GPHN: variants seen among roughly 807,000 people sequenced by gnomAD.
GPHN encodes gephyrin.
In GPHN, 17 loss-of-function variants were observed where a neutral mutation model predicts 95.5. The observed-to-expected ratio is 0.18, with a 90% CI of 0.12 to 0.27. The LOEUF (loss-of-function observed/expected upper bound fraction) is 0.27, where lower values mean the gene tolerates loss of function less well. GPHN is among the 10% of genes least tolerant of loss of function. The pLI is 1.00. For missense variants in GPHN, 660 were observed against 978.1 expected (o/e 0.67, Z 4.34); for synonymous variants, 320 against 322.5 (o/e 0.99, Z 0.08).
At chr14:67,559,770 A>AGACAGTAGGGGG in the GPHN span, 1 of 908,042 alleles carries the variant, frequency 1.1e-6, no homozygotes, top group Non-Finnish European at 1.8e-6. Context: ...CCTGCCCCCT[A>AGACAGTAGGGGG]CTGTCTAGGG....
chr14:66,527,499 C>T (rs1043689990), intron 1 of GPHN, among the ~76,000 whole-genome samples: 1 of 150,430 alleles, frequency 6.6e-6, no homozygotes, highest in Non-Finnish European at 1.5e-5. Context: ...TATTTCGTGT[C>T]TTCTGCTAGC....
chr14:67,114,416 C>T lies in GPHN; in HGVS notation c.1626+1245C>T, dbSNP rs1264975818. 5.9e-5 allele frequency among the ~76,000 whole-genome samples: 9 copies of T among 152,232 alleles called. No homozygotes were observed. The East Asian group carries it at 1.5e-3, about 26-fold the overall frequency. Reference sequence around the variant, plus strand: ...AACAGTAGCACACTCATGGACCAGGCATGGTGGCTTATTCCTGTAATCCCA... The same window carrying T: ...AACAGTAGCACACTCATGGACCAGGTATGGTGGCTTATTCCTGTAATCCCA... On this transcript the variant is annotated intron_variant, in intron 16 of 22. Transcript: ENST00000478722.
chr14:67,478,435 T>C, the GPHN span, among the ~76,000 whole-genome samples: 2 of 152,252 alleles, frequency 1.3e-5, no homozygotes, highest in Non-Finnish European at 2.9e-5. Context: ...CCTCATCATG[T>C]CTCACCTGGA....
chr14:67,119,932 C>G (rs1026479751), intron 16 of GPHN, among the ~76,000 whole-genome samples: 1 of 151,998 alleles, frequency 6.6e-6, no homozygotes, highest in East Asian at 1.9e-4. Context: ...GAGTTCAAGA[C>G]CAGCCTGGCC....
chr14:66,992,099 A>T (rs555143639), intron 9 of GPHN, among the ~76,000 whole-genome samples: 20 of 152,140 alleles, frequency 1.3e-4, no homozygotes, highest in South Asian at 4.1e-4. Context: ...GAAAATACTC[A>T]TATGCCACAA....
At chr14:66,778,969 C>T (rs1169550447) in intron 3 of GPHN, among the ~76,000 whole-genome samples, 1 of 151,774 alleles carries the variant, frequency 6.6e-6, no homozygotes, top group Non-Finnish European at 1.5e-5. Flanking sequence ...GTCTTGAACC[C>T]CTGACCTCAG....
the GPHN span, among the ~76,000 whole-genome samples, chr14:67,654,464 C>T: frequency 6.6e-6 from 1 of 152,164 alleles, no homozygotes; most frequent in Non-Finnish European, 1.5e-5. Context: ...ACCAATCTAC[C>T]TGGTATGTTC....
chr14:67,650,027 C>T, the GPHN span: 1 of 152,100 alleles, frequency 6.6e-6, no homozygotes, highest in South Asian at 2.1e-4. Context: ...AGTTCTCAAA[C>T]CTTAACAGAA....
At chr14:67,545,518 G>A in the GPHN span, among the ~76,000 whole-genome samples, 672 of 152,008 alleles carry the variant, frequency 4.4e-3, 18 homozygotes, top group East Asian at 0.062. Flanking sequence ...ATACAGATAG[G>A]GACAAGAAAA....
chr14:66,660,346 A>T (rs2065567958), intron 1 of GPHN, among the ~76,000 whole-genome samples: 1 of 152,190 alleles, frequency 6.6e-6, no homozygotes, highest in East Asian at 1.9e-4. Context: ...CAAACATAAA[A>T]GCCCAAGATG....
intron 9 of GPHN, among the ~76,000 whole-genome samples, chr14:66,977,078 A>G (rs536552117): frequency 6.6e-6 from 1 of 152,290 alleles, no homozygotes; most frequent in South Asian, 2.1e-4. Flanking sequence ...TAACCTTTCA[A>G]GCAATAAATT....
chr14:67,723,484 G>A, the GPHN span, among the ~76,000 whole-genome samples: 7 of 152,272 alleles, frequency 4.6e-5, no homozygotes, highest in Middle Eastern at 3.4e-3. Context: ...ACCATCCCAC[G>A]TTGGCCTCCC....
the GPHN span, among the ~76,000 whole-genome samples, chr14:67,359,472 G>C: frequency 6.6e-6 from 1 of 152,184 alleles, no homozygotes; most frequent in African/African-American, 2.4e-5. Context: ...CGTCCAGCCT[G>C]ATTCACTCAG....
At chr14:67,230,033 C>T in the GPHN span, among the ~76,000 whole-genome samples, 4 of 152,292 alleles carry the variant, frequency 2.6e-5, no homozygotes, top group East Asian at 1.9e-4. Context: ...TAGGTATATA[C>T]GTAAACCAAC....
At chr14:67,036,069 A>G (rs962013479) in intron 10 of GPHN, among the ~76,000 whole-genome samples, 16 of 152,006 alleles carry the variant, frequency 1.1e-4, no homozygotes, top group South Asian at 2.1e-4. Flanking sequence ...GGATCATTCA[A>G]TGCATGAAAA....
chr14:67,027,143 A>G (rs376194132), intron 10 of GPHN, among the ~76,000 whole-genome samples: 180 of 152,348 alleles, frequency 1.2e-3, no homozygotes, highest in African/African-American at 4.0e-3. Flanking sequence ...TATCAGGATG[A>G]TATGACACTA....
the GPHN span, among the ~76,000 whole-genome samples, chr14:67,460,772 A>T: frequency 6.6e-6 from 1 of 152,210 alleles, no homozygotes; most frequent in South Asian, 2.1e-4. Context: ...TCTGTGTAGA[A>T]ATAATGATGT....
the GPHN span, among the ~76,000 whole-genome samples, chr14:67,428,397 C>T: frequency 6.6e-6 from 1 of 152,258 alleles, no homozygotes; most frequent in Non-Finnish European, 1.5e-5. Context: ...TCACAGCTAA[C>T]ACTTAGAGCA....
chr14:66,646,987 C>A (rs558151364), intron 1 of GPHN, among the ~76,000 whole-genome samples: 1 of 151,966 alleles, frequency 6.6e-6, no homozygotes, highest in Non-Finnish European at 1.5e-5. Flanking sequence ...GCCTTGAGCT[C>A]CCAGGCTGAA....
Sources: allele counts gnomAD v4.1 joint callset (sites outside exome capture counted in the v4.1 genomes callset), GRCh38; gene constraint gnomAD v4.1.1; transcripts MANE v1.5; gene names NCBI Gene and HGNC (gene_info 2026-07-23, HGNC 2026-07-21).